Variants in FOXK1 observed in about 807,000 individuals in gnomAD.
FOXK1 encodes forkhead box K1.
FOXK1 carries 19 observed loss-of-function variants against 51.9 expected under a neutral mutation model. The ratio of observed to expected loss-of-function variants is 0.37; its 90% confidence interval spans 0.26 to 0.54. The LOEUF is 0.54. Among genes scored for constraint, FOXK1 ranks in the 20% least tolerant of loss-of-function variants. The pLI, the probability that FOXK1 is intolerant of heterozygous loss-of-function variation, is 0.87. For synonymous variants in FOXK1, 537 were observed against 482.6 expected, an observed-to-expected ratio of 1.11 and a Z score of -1.48; for missense variants, 870 against 1,032.7, an observed-to-expected ratio of 0.84 and a Z score of 2.16.
At position 4,723,877 on chromosome 7, in the gene FOXK1, C is replaced by T. The variant is rs543432284; in HGVS notation, c.561-16961C>T. Among the ~76,000 whole-genome samples the T allele has an allele frequency of 6.6e-6, 1 of 152,260 alleles. No individual in the cohort carries two copies. The highest frequency in any genetic ancestry group is 2.1e-4 in the South Asian group (1 of 4,832). On this transcript the variant is annotated intron_variant, in intron 1 of 8. Transcript: ENST00000328914. This position sits in a 1 kb window ranked among gnomAD's most constrained non-coding sequence, Gnocchi z 4.7. ...TAAAGATGGGGATCTCACTATGTTG[C>T]CCAGGCCGGTCTCGACCTCCTAGGC...
chr7:4,726,235 G>T (rs190439732), intron 1 of FOXK1, among the ~76,000 whole-genome samples: 1 of 152,110 alleles, frequency 6.6e-6, no homozygotes, highest in South Asian at 2.1e-4. Context: ...TTTGGCCTAC[G>T]AATGCTTTTA....
chr7:4,752,593 A>G (rs1780793869), intron 2 of FOXK1, among the ~76,000 whole-genome samples: 1 of 152,138 alleles, frequency 6.6e-6, no homozygotes, highest in Non-Finnish European at 1.5e-5. Context: ...CCCGCCTGCC[A>G]CCTCATGGGC....
chr7:4,701,906 A>C (rs894966054), intron 1 of FOXK1, among the ~76,000 whole-genome samples: 6 of 152,128 alleles, frequency 3.9e-5, no homozygotes, highest in Admixed American at 2.0e-4. Context: ...AATAAATATA[A>C]ATAAATAAAA....
At chr7:4,702,711 A>G (rs1379798516) in intron 1 of FOXK1, among the ~76,000 whole-genome samples, 1 of 152,154 alleles carries the variant, frequency 6.6e-6, no homozygotes, top group East Asian at 1.9e-4. Context: ...CATCTTCTTC[A>G]TGATCCTGTT....
chr7:4,694,903 T>G (rs1779933995), intron 1 of FOXK1, among the ~76,000 whole-genome samples: 1 of 152,206 alleles, frequency 6.6e-6, no homozygotes, highest in African/African-American at 2.4e-5. Context: ...TCCCATCCTG[T>G]GACTTGGATA....
At chr7:4,760,467 A>G (rs967106126) in intron 7 of FOXK1, among the ~76,000 whole-genome samples, 5 of 152,224 alleles carry the variant, frequency 3.3e-5, no homozygotes, top group African/African-American at 1.2e-4. Context: ...GGGAAGGCCA[A>G]GTTACAGCTG....
rs17829256 is a variant in FOXK1 at position 4,765,173 on chromosome 7, T to C, written c.*2709T>C. Reference sequence around the variant, plus strand: ...GGCCTGGGTCCTGGATCCACTGCTCTGGGCTCATAACCATGAGATTTTGAA... The same window carrying C: ...GGCCTGGGTCCTGGATCCACTGCTCCGGGCTCATAACCATGAGATTTTGAA... On this transcript the variant is annotated 3_prime_UTR_variant, in exon 9 of 9. Coordinates refer to ENST00000328914, the MANE Select transcript of FOXK1 (RefSeq NM_001037165.2). 4,100 of 152,934 alleles carry C rather than the reference T, an allele frequency of 0.027. 77 individuals are homozygous for C. The highest frequency in any genetic ancestry group is 0.065 in the Middle Eastern group (22 of 336). The allele number at this position is 152,934 out of a possible 1,614,324, so 9.5% of individuals were successfully genotyped here.
At position 4,711,836 on chromosome 7, in the gene FOXK1, G is replaced by A. The variant is rs576627341; in HGVS notation, c.560+28968G>A. 1.2e-3 allele frequency among the ~76,000 whole-genome samples: 178 copies of A among 152,290 alleles called. No homozygotes were observed. The highest frequency in any genetic ancestry group is 2.0e-3 in the Non-Finnish European group (139 of 68,038). On this transcript the variant is annotated intron_variant, in intron 1 of 8. Transcript: ENST00000328914. This position sits in a 1 kb window ranked among gnomAD's most constrained non-coding sequence, Gnocchi z 6.3. ...CGCAAGGTCAGAGAGAAAAGATTGC[G>A]GCCGGCCGGTGTCAAGGCGGGGGAC...
chr7:4,736,663 G>A (rs944052232), intron 1 of FOXK1, among the ~76,000 whole-genome samples: 8 of 152,080 alleles, frequency 5.3e-5, no homozygotes, highest in African/African-American at 1.2e-4. Flanking sequence ...ATCCGCCCAC[G>A]TTGGCCACTC....
intron 1 of FOXK1, among the ~76,000 whole-genome samples, chr7:4,706,217 G>A (rs1255301270): frequency 6.6e-6 from 1 of 152,002 alleles, no homozygotes; most frequent in Non-Finnish European, 1.5e-5. Flanking sequence ...GAGATCTATA[G>A]CAGGGACTTG....
Position 4,764,480 on chromosome 7 carries a change from G to A in FOXK1, c.*2016G>A, listed in dbSNP as rs186625232. 2.5e-4 allele frequency: 38 copies of A among 154,574 alleles called. No individual in the cohort carries two copies. The highest frequency in any genetic ancestry group is 7.8e-4 in the Admixed American group (12 of 15,310). 9.6% of individuals were successfully genotyped at this position (154,574 alleles called of 1,614,324 possible). On this transcript the variant is annotated 3_prime_UTR_variant, in exon 9 of 9. Coordinates refer to ENST00000328914, the MANE Select transcript of FOXK1 (RefSeq NM_001037165.2). Reference sequence around the variant, plus strand: ...CGTGGAGGGTGAGAGATTGCGCCCCGTTCCACACTTGTGTCGCCTGCTGTT... The same window carrying A: ...CGTGGAGGGTGAGAGATTGCGCCCCATTCCACACTTGTGTCGCCTGCTGTT...
rs906802187 is a variant in FOXK1 at position 4,712,146 on chromosome 7, G to A, written c.561-28692G>A. ...ATACCATAAGATGGGGAGTAGGGTT[G>A]AGATGAAATCCAAGCATCGTTTCCC... On this transcript the variant is annotated intron_variant, in intron 1 of 8. Transcript: ENST00000328914. Among the ~76,000 whole-genome samples the A allele has an allele frequency of 3.9e-5, 6 of 152,052 alleles. No individual in the cohort carries two copies. The East Asian group carries it at 1.2e-3, about 29-fold the overall frequency.
At chr7:4,751,526 G>A (rs1292326448) in intron 2 of FOXK1, among the ~76,000 whole-genome samples, 3 of 152,186 alleles carry the variant, frequency 2.0e-5, no homozygotes, top group African/African-American at 4.8e-5. Flanking sequence ...AGCTCTTAGC[G>A]GCTGTGAGGC....
At chr7:4,716,954 C>T (rs1457184221) in intron 1 of FOXK1, among the ~76,000 whole-genome samples, 1 of 151,594 alleles carries the variant, frequency 6.6e-6, no homozygotes, top group Non-Finnish European at 1.5e-5. Flanking sequence ...GTGGGAGGCG[C>T]ATGGCTGGGA....
In FOXK1 at chr7:4,719,662, A is replaced by C. The variant is rs531591871; in HGVS notation, c.561-21176A>C. On this transcript the variant is annotated intron_variant, in intron 1 of 8. Transcript: ENST00000328914. ...ATGCCCATCTAATTTTTGTATTTTT[A>C]GTAGAGATGGGGTTTCACCATGTTG... 5.3e-5 allele frequency among the ~76,000 whole-genome samples: 8 copies of C among 151,590 alleles called. No homozygotes were observed. The South Asian group carries it at 1.7e-3, about 32-fold the overall frequency.
At chr7:4,690,147 G>A (rs1342050805) in intron 1 of FOXK1, among the ~76,000 whole-genome samples, 1 of 152,230 alleles carries the variant, frequency 6.6e-6, no homozygotes, top group African/African-American at 2.4e-5. Context: ...CTGAGACCTG[G>A]TGGCCCCAGG....
rs762896420 is a variant in FOXK1 at position 4,769,264 on chromosome 7, C to T, written c.*6800C>T. On this transcript the variant is annotated 3_prime_UTR_variant, in exon 9 of 9. Coordinates refer to ENST00000328914, the MANE Select transcript of FOXK1 (RefSeq NM_001037165.2). The surrounding 1 kb of genome is among the most constrained non-coding windows in gnomAD (Gnocchi z 4.1). ...AAAAATACCGGGGCCAGGGAGAAGC[C>T]GTGAATGTATTTATTTGCTTTGGTG... 5.3e-5 allele frequency: 8 copies of T among 152,112 alleles called. No homozygotes were observed. The highest frequency in any genetic ancestry group is 1.7e-4 in the African/African-American group (7 of 41,396). 9.4% of individuals were successfully genotyped at this position (152,112 alleles called of 1,614,324 possible).
At chr7:4,746,172 A>G (rs1237622809) in intron 2 of FOXK1, among the ~76,000 whole-genome samples, 1 of 152,244 alleles carries the variant, frequency 6.6e-6, no homozygotes, top group Non-Finnish European at 1.5e-5. Flanking sequence ...GGTCAGCAGT[A>G]TGTAAATATA....
intron 1 of FOXK1, among the ~76,000 whole-genome samples, chr7:4,736,902 A>G (rs976883909): frequency 2.6e-5 from 4 of 152,122 alleles, no homozygotes; most frequent in East Asian, 1.9e-4. Context: ...TCCTGCCACA[A>G]TTTGCTCTTT....
Sources: allele counts gnomAD v4.1 joint callset (sites outside exome capture counted in the v4.1 genomes callset), GRCh38; gene constraint gnomAD v4.1.1; non-coding constraint Gnocchi (gnomAD v3.1); transcripts MANE v1.5; gene names NCBI Gene and HGNC (gene_info 2026-07-23, HGNC 2026-07-21).